PTPN20: variants seen among roughly 807,000 people sequenced by gnomAD.
PTPN20 encodes tyrosine-protein phosphatase non-receptor type 20.
A neutral mutation model predicts 35.0 loss-of-function variants in PTPN20; 9 were observed. That is an observed-to-expected ratio of 0.26 (90% CI 0.15 to 0.45). The LOEUF (loss-of-function observed/expected upper bound fraction) is 0.45, where lower values mean the gene tolerates loss of function less well. PTPN20 is among the 20% of genes least tolerant of loss of function. PTPN20 has a pLI of 1.00. For missense variants in PTPN20, 111 were observed against 312.5 expected, an observed-to-expected ratio of 0.36 and a Z score of 4.86; for synonymous variants, 32 against 100.2, an observed-to-expected ratio of 0.32 and a Z score of 4.06.
intron 5 of PTPN20, chr10:46,946,985 C>T: frequency 3.0e-6 from 1 of 334,740 alleles, no homozygotes; most frequent in Non-Finnish European, 5.2e-6. Flanking sequence ...TTCCTTATTT[C>T]CTTTTTAAAA....
intron 5 of PTPN20, among the ~76,000 whole-genome samples, chr10:46,959,085 A>G (rs1395145086): frequency 2.8e-5 from 4 of 144,362 alleles, no homozygotes; most frequent in Non-Finnish European, 4.6e-5. Context: ...TAATTGTTCT[A>G]TCCACTAATG....
chr10:46,999,895 C>G lies in PTPN20; in HGVS notation c.1135-17C>G. The G allele has an allele frequency of 6.2e-7, 1 of 1,613,540 alleles. No individual in the cohort carries two copies. Among genetic ancestry groups the G allele is most frequent in the Non-Finnish European group, 8.5e-7 (1 of 1,179,630 alleles). The stretch of plus-strand genomic sequence containing the variant: ...CCCCCATGTGGATCATACAAAATTA[C>G]TGTCATCTTATTACAGTTCAACATC... On this transcript the variant is annotated splice_polypyrimidine_tract_variant and intron_variant, in intron 9 of 10. Coordinates refer to ENST00000374339, the MANE Select transcript of PTPN20 (RefSeq NM_001042357.5).
chr10:46,951,352 CT>C (rs1348351350), intron 5 of PTPN20, among the ~76,000 whole-genome samples: 1 of 152,030 alleles, frequency 6.6e-6, no homozygotes, highest in Non-Finnish European at 1.5e-5. Flanking sequence ...TATTTATAAA[CT>C]TTGTTCATTG....
chr10:46,957,130 G>T (rs2048620419), intron 5 of PTPN20, among the ~76,000 whole-genome samples: 1 of 139,912 alleles, frequency 7.1e-6, no homozygotes, highest in Non-Finnish European at 1.5e-5. Context: ...GTGAATATGT[G>T]TGTGTAAAAT....
intron 9 of PTPN20, 22 bp from the exon 10 acceptor site, chr10:46,999,890 A>G: frequency 6.2e-7 from 1 of 1,613,434 alleles, no homozygotes; most frequent in Non-Finnish European, 8.5e-7. Context: ...GATCATACAA[A>G]ATTACTGTCA....
At chr10:46,976,393 C>T (rs1347030743) in intron 7 of PTPN20, among the ~76,000 whole-genome samples, 10 of 68,208 alleles carry the variant, frequency 1.5e-4, no homozygotes, top group African/African-American at 3.8e-4. Context: ...CAGTCTCAAG[C>T]TCTACTTTTT....
At chr10:46,954,834 T>G (rs1209450728) in intron 5 of PTPN20, among the ~76,000 whole-genome samples, 2 of 151,496 alleles carry the variant, frequency 1.3e-5, no homozygotes, top group East Asian at 1.9e-4. Flanking sequence ...ATTATTGATA[T>G]ATTTCTTTTT....
chr10:46,937,699 T>A (rs2042103217), intron 2 of PTPN20, among the ~76,000 whole-genome samples: 1 of 151,948 alleles, frequency 6.6e-6, no homozygotes, highest in Non-Finnish European at 1.5e-5. Flanking sequence ...CTCTTTTTAT[T>A]GTATCATGTT....
chr10:46,999,974 G>A lies in PTPN20; in HGVS notation c.1197G>A (p.Lys399=). 1 of 1,613,630 alleles carries A rather than the reference G, an allele frequency of 6.2e-7. No homozygotes were observed. The highest frequency in any genetic ancestry group is 8.5e-7 in the Non-Finnish European group (1 of 1,179,680). Residue 399 remains lysine, a splice_region_variant and synonymous_variant, in exon 10 of 11, where the codon AAG becomes AAA. Coordinates refer to ENST00000374339, the MANE Select transcript of PTPN20 (RefSeq NM_001042357.5). ...REQRSGMVQT[K]EQYHFCYDIV... ...AACGTTCTGGCATGGTTCAAACGAAGGTAAGCTTTCACCACATACATAATA... is the reference window on the plus strand; with the variant it reads ...AACGTTCTGGCATGGTTCAAACGAAAGTAAGCTTTCACCACATACATAATA...
intron 9 of PTPN20, among the ~76,000 whole-genome samples, chr10:46,998,786 G>A (rs1396954520): frequency 6.6e-6 from 1 of 152,054 alleles, no homozygotes; most frequent in Non-Finnish European, 1.5e-5. Context: ...AAGATACACA[G>A]GGCCACCCTG....
intron 9 of PTPN20, among the ~76,000 whole-genome samples, chr10:46,994,081 G>A (rs1555178895): frequency 6.6e-6 from 1 of 151,722 alleles, no homozygotes; most frequent in Non-Finnish European, 1.5e-5. Flanking sequence ...TAGTGTTCTT[G>A]GATAACAGGT....
At chr10:46,939,029 A>G (rs1482626297) in intron 2 of PTPN20, among the ~76,000 whole-genome samples, 1 of 152,094 alleles carries the variant, frequency 6.6e-6, no homozygotes, top group Admixed American at 6.6e-5. Context: ...TACAATTCTC[A>G]TAGACTTTTT....
intron 1 of PTPN20, among the ~76,000 whole-genome samples, chr10:46,930,307 G>A (rs1163556553): frequency 8.1e-6 from 1 of 124,112 alleles, no homozygotes; most frequent in Non-Finnish European, 1.6e-5. Flanking sequence ...GCAAGATATA[G>A]CATGTTTAAA....
At chr10:46,954,183 C>A in intron 5 of PTPN20, among the ~76,000 whole-genome samples, 1 of 117,228 alleles carries the variant, frequency 8.5e-6, no homozygotes, top group Non-Finnish European at 1.6e-5. Context: ...AAGATGTCAG[C>A]AAAGTTGATT....
At chr10:46,930,342 T>G (rs1269477146) in intron 1 of PTPN20, among the ~76,000 whole-genome samples, 1 of 147,056 alleles carries the variant, frequency 6.8e-6, no homozygotes, top group Non-Finnish European at 1.5e-5. Context: ...TTAGTAAGAG[T>G]GTCTCCAGTT....
intron 9 of PTPN20, among the ~76,000 whole-genome samples, chr10:46,993,228 C>T (rs950072327): frequency 4.3e-4 from 65 of 152,326 alleles, no homozygotes; most frequent in Non-Finnish European, 8.7e-4. Flanking sequence ...GGTCCATTTC[C>T]AGGCCTTAGG....
chr10:46,935,785 T>C (rs2041405525), intron 2 of PTPN20, among the ~76,000 whole-genome samples: 1 of 152,222 alleles, frequency 6.6e-6, no homozygotes, highest in Non-Finnish European at 1.5e-5. Context: ...CATATGTCTT[T>C]ATGACGGAAC....
intron 4 of PTPN20, among the ~76,000 whole-genome samples, chr10:46,945,259 G>C (rs1368924733): frequency 1.3e-5 from 2 of 151,890 alleles, no homozygotes; most frequent in Admixed American, 1.3e-4. Context: ...GGATGCATAC[G>C]GAGGGTCTTT....
intron 1 of PTPN20, among the ~76,000 whole-genome samples, 184 bp from the exon 2 acceptor site, chr10:46,932,193 A>G (rs1339205954): frequency 1.3e-5 from 2 of 152,032 alleles, no homozygotes; most frequent in Non-Finnish European, 2.9e-5. Flanking sequence ...TTGAATAAAT[A>G]AGCGTATCTC....
Sources: allele counts gnomAD v4.1 joint callset (sites outside exome capture counted in the v4.1 genomes callset), GRCh38; gene constraint gnomAD v4.1.1; transcripts MANE v1.5; gene names NCBI Gene and HGNC (gene_info 2026-07-23, HGNC 2026-07-21).